The following AKAP8L variants were observed in gnomAD, a reference collection of about 807,000 sequenced individuals.
The protein encoded by AKAP8L is A-kinase anchoring protein 8 like.
Under a neutral mutation model 77.5 loss-of-function variants are expected in AKAP8L, and 34 were observed. The observed-to-expected ratio is 0.44, with a 90% CI of 0.33 to 0.58. The LOEUF (loss-of-function observed/expected upper bound fraction) is 0.58, where lower values mean the gene tolerates loss of function less well. AKAP8L is among the 20% of genes least tolerant of loss of function. AKAP8L has a pLI of 0.02. For synonymous variants in AKAP8L, 342 were observed against 340.7 expected (o/e 1.00, Z -0.04); for missense variants, 806 against 887.6 (o/e 0.91, Z 1.17).
At chr19:15,405,177 G>A (rs1037883131) in intron 2 of AKAP8L, among the ~76,000 whole-genome samples, 1 of 152,202 alleles carries the variant, frequency 6.6e-6, no homozygotes, top group Admixed American at 6.5e-5. Flanking sequence ...AGTCAGGAGT[G>A]GTAGCTGAGG....
intron 12 of AKAP8L, among the ~76,000 whole-genome samples, chr19:15,388,613 A>C (rs1340442903): frequency 6.6e-6 from 1 of 152,182 alleles, no homozygotes; most frequent in Non-Finnish European, 1.5e-5. Flanking sequence ...ACAGATTTGA[A>C]CTTAAGAATT....
intron 12 of AKAP8L, among the ~76,000 whole-genome samples, chr19:15,385,038 C>A (rs997957920): frequency 6.6e-6 from 1 of 150,822 alleles, no homozygotes; most frequent in Admixed American, 6.6e-5. Context: ...AGTGCAGTGG[C>A]GGGATCTCGG....
chr19:15,410,036 G>A (rs1968077926), intron 2 of AKAP8L, among the ~76,000 whole-genome samples: 2 of 151,816 alleles, frequency 1.3e-5, no homozygotes, highest in South Asian at 2.1e-4. Flanking sequence ...TCTGCCTCCC[G>A]GGTTCAAGTG....
At chr19:15,414,821 C>CA (rs1968174808) in intron 1 of AKAP8L, among the ~76,000 whole-genome samples, 2 of 152,130 alleles carry the variant, frequency 1.3e-5, no homozygotes, top group South Asian at 4.1e-4. Flanking sequence ...TTATTAGAGA[C>CA]AGGGGGTCTC....
At position 15,404,000 on chromosome 19, in the gene AKAP8L, T is replaced by A. The variant is rs372575418; in HGVS notation, c.121+10A>T. 2 of 1,613,752 alleles carry A rather than the reference T, an allele frequency of 1.2e-6. No homozygotes were observed. Among genetic ancestry groups the A allele is most frequent in the African/African-American group, 2.7e-5 (2 of 74,924 alleles). ...AGGGACAGGACAGCAATCACAGGAA[T>A]GACACTTGCCTCTATTTGTCCCAGA... On this transcript the variant is annotated intron_variant, in intron 3 of 13. Coordinates refer to ENST00000397410, the MANE Select transcript of AKAP8L (RefSeq NM_014371.4). This position sits in a 1 kb window ranked among gnomAD's most constrained non-coding sequence, Gnocchi z 4.3.
intron 2 of AKAP8L, among the ~76,000 whole-genome samples, chr19:15,406,362 G>GGGGAGAGAGAGAGAGAGAGAGA (rs1555700853): frequency 3.4e-5 from 3 of 89,380 alleles, no homozygotes; most frequent in African/African-American, 1.5e-4. Context: ...GAAATTTTAA[G>GGGGAGAGAGAGAGAGAGAGAGA]GAGAGAGAGA....
intron 8 of AKAP8L, 31 bp downstream of exon 8, chr19:15,400,264 C>T (rs1568268187): frequency 6.2e-7 from 1 of 1,612,794 alleles, no homozygotes; most frequent in Non-Finnish European, 8.5e-7. Flanking sequence ...GGAAGAGCCG[C>T]CCTAGCACCA....
Position 15,390,917 on chromosome 19 carries a change from T to C in AKAP8L, c.1536+6233A>G, listed in dbSNP as rs116619368. 3.0e-3 allele frequency among the ~76,000 whole-genome samples: 456 copies of C among 152,282 alleles called. 2 individuals carry two copies. The highest frequency in any genetic ancestry group is 0.011 in the African/African-American group (440 of 41,560). ...AGGACTAGAAGGGAACGTCTTCAAC[T>C]CAATCAAGGGCACCTATGAAAAACC... On this transcript the variant is annotated intron_variant, in intron 12 of 13. Transcript: ENST00000397410.
At chr19:15,406,365 GAGAGA>G (rs1967998549) in intron 2 of AKAP8L, among the ~76,000 whole-genome samples, 1 of 114,674 alleles carries the variant, frequency 8.7e-6, no homozygotes, top group Non-Finnish European at 1.9e-5. Context: ...ATTTTAAGGA[GAGAGA>G]GAGAGAGAGA....
Position 15,401,801 on chromosome 19 carries a change from G to A in AKAP8L, c.363-198C>T, listed in dbSNP as rs1471454887. ...CACCACTGCCCCAAACTTGAATGTA[G>A]CCACACACTGGCTTGGGGACCCTAA... On this transcript the variant is annotated intron_variant, in intron 4 of 13. Transcript: ENST00000397410. This position sits in a 1 kb window ranked among gnomAD's most constrained non-coding sequence, Gnocchi z 6.2. Among the ~76,000 whole-genome samples the A allele has an allele frequency of 6.6e-6, 1 of 152,224 alleles. No homozygotes were observed. The highest frequency in any genetic ancestry group is 2.4e-5 in the African/African-American group (1 of 41,456).
At chr19:15,410,941 T>G (rs1255603630) in intron 1 of AKAP8L, among the ~76,000 whole-genome samples, 3 of 152,200 alleles carry the variant, frequency 2.0e-5, no homozygotes, top group Non-Finnish European at 2.9e-5. Flanking sequence ...GCCTCCCAAG[T>G]AGCTGAGACT....
intron 2 of AKAP8L, among the ~76,000 whole-genome samples, chr19:15,405,676 A>G (rs1029997479): frequency 4.0e-5 from 6 of 151,698 alleles, no homozygotes; most frequent in Non-Finnish European, 8.8e-5. Flanking sequence ...GTAATCCCAG[A>G]ACTTTGGGAG....
In AKAP8L at chr19:15,401,177, C is replaced by T; in HGVS notation, c.789G>A (p.Trp263Ter). 1 of 1,608,014 alleles carries T rather than the reference C, an allele frequency of 6.2e-7. No homozygotes were observed. The highest frequency in any genetic ancestry group is 8.5e-7 in the Non-Finnish European group (1 of 1,177,364). ...GGAAGTCGGCTGTGGTCCAGGTCTT[C>T]CAGGTCCGCCTCATCTGCTTCATGC... Reference protein sequence around the residue: ...GNGMKQMRRTWKTWTTADFRT... With the variant: ...GNGMKQMRRT The change falls in exon 5 of 14, where the codon TGG becomes TGA. Residue 263 changes from tryptophan (W) to a stop codon, truncating the protein, a stop_gained. Transcript: ENST00000397410. LOFTEE classifies it high-confidence loss of function. This position sits in a 1 kb window ranked among gnomAD's most constrained non-coding sequence, Gnocchi z 6.2.
intron 1 of AKAP8L, among the ~76,000 whole-genome samples, chr19:15,416,861 T>C (rs1432090724): frequency 6.6e-6 from 1 of 152,216 alleles, no homozygotes; most frequent in African/African-American, 2.4e-5. Context: ...ATCAGTCACC[T>C]TTTATGTTTA....
chr19:15,387,984 GA>G (rs548936283), intron 12 of AKAP8L, among the ~76,000 whole-genome samples: 24 of 151,468 alleles, frequency 1.6e-4, no homozygotes, highest in Admixed American at 5.3e-4. Flanking sequence ...GAGGGGAGGG[GA>G]AAAAAATCCC....
intron 12 of AKAP8L, among the ~76,000 whole-genome samples, chr19:15,390,388 C>T (rs906069818): frequency 3.4e-5 from 5 of 148,320 alleles, no homozygotes; most frequent in African/African-American, 1.0e-4. Context: ...CGTTGCACTC[C>T]AGCCTAGGCG....
chr19:15,385,417 G>A (rs557633999), intron 12 of AKAP8L, among the ~76,000 whole-genome samples: 3 of 151,898 alleles, frequency 2.0e-5, no homozygotes, highest in South Asian at 2.1e-4. Context: ...TCCTGACCTC[G>A]TGATCCACCC....
chr19:15,404,450 G>A (rs187367892), intron 2 of AKAP8L, among the ~76,000 whole-genome samples: 2 of 152,360 alleles, frequency 1.3e-5, no homozygotes, highest in Admixed American at 1.3e-4. Flanking sequence ...TGTTGACTGT[G>A]CTGTGCTGGA....
Position 15,397,088 on chromosome 19 carries a change from C to T in AKAP8L, c.1536+62G>A. Reference sequence around the variant, plus strand: ...GCTGGCAGAGGTTCCAACTGCACAACCTCCCCAGAGGCCTCACTCAATCTA... The same window carrying T: ...GCTGGCAGAGGTTCCAACTGCACAATCTCCCCAGAGGCCTCACTCAATCTA... On this transcript the variant is annotated intron_variant, in intron 12 of 13. Transcript: ENST00000397410. This position sits in a 1 kb window ranked among gnomAD's most constrained non-coding sequence, Gnocchi z 4.7. 1 of 1,597,678 alleles carries T rather than the reference C, an allele frequency of 6.3e-7. No individual in the cohort carries two copies. Among genetic ancestry groups the T allele is most frequent in the Non-Finnish European group, 8.6e-7 (1 of 1,169,156 alleles).
Sources: allele counts gnomAD v4.1 joint callset (sites outside exome capture counted in the v4.1 genomes callset), GRCh38; gene constraint gnomAD v4.1.1; non-coding constraint Gnocchi (gnomAD v3.1); transcripts MANE v1.5; gene names NCBI Gene and HGNC (gene_info 2026-07-23, HGNC 2026-07-21).